PLAC1: variants seen among roughly 807,000 people sequenced by gnomAD.
PLAC1 encodes placenta-specific protein 1.
For missense variants in PLAC1, 136 were observed against 163.2 expected (o/e 0.83, Z 0.91); for synonymous variants, 68 against 62.1 (o/e 1.09, Z -0.44).
At chrX:134,679,157 G>A (rs1006167786) in intron 2 of PLAC1, among the ~76,000 whole-genome samples, 1 of 112,033 alleles carries the variant, frequency 8.9e-6, no homozygotes, top group African/African-American at 3.2e-5. Flanking sequence ...GCAGCCACAG[G>A]AAATGAATAC....
intron 1 of PLAC1, among the ~76,000 whole-genome samples, chrX:134,621,815 A>G (rs1236027907): frequency 8.9e-6 from 1 of 111,888 alleles, no homozygotes; most frequent in Non-Finnish European, 1.9e-5. Flanking sequence ...CTGGTGAGCA[A>G]CCCAACTGAA....
At chrX:134,721,106 A>T (rs2078655951) in intron 2 of PLAC1, among the ~76,000 whole-genome samples, 1 of 112,983 alleles carries the variant, frequency 8.9e-6, no homozygotes, top group Admixed American at 9.4e-5. Context: ...CGATAAAAAG[A>T]CAAATAACCT....
intron 1 of PLAC1, among the ~76,000 whole-genome samples, chrX:134,626,574 C>T (rs760839321): frequency 8.9e-6 from 1 of 111,987 alleles, no homozygotes; most frequent in East Asian, 2.8e-4. Context: ...CTTCTCTCCC[C>T]ATCTACTCCC....
At chrX:134,699,813 A>G (rs2078576586) in intron 2 of PLAC1, among the ~76,000 whole-genome samples, 1 of 111,829 alleles carries the variant, frequency 8.9e-6, no homozygotes, top group Non-Finnish European at 1.9e-5. Context: ...TTGATTTCAA[A>G]TCACACTCAA....
At chrX:134,655,732 G>A (rs1432683043) in intron 1 of PLAC1, among the ~76,000 whole-genome samples, 1 of 111,682 alleles carries the variant, frequency 9.0e-6, no homozygotes, top group Non-Finnish European at 1.9e-5. Flanking sequence ...GAATTTGTCT[G>A]TTTTCTTATG....
intron 1 of PLAC1, among the ~76,000 whole-genome samples, chrX:134,742,386 G>T (rs937175611): frequency 8.9e-6 from 1 of 111,956 alleles, no homozygotes; most frequent in Non-Finnish European, 1.9e-5. Flanking sequence ...TCAGGTGTTC[G>T]AGACCAGCCT....
chrX:134,600,089 G>A (rs2078081328), intron 2 of PLAC1, among the ~76,000 whole-genome samples: 1 of 110,744 alleles, frequency 9.0e-6, no homozygotes, highest in South Asian at 3.9e-4. Flanking sequence ...GCAGTGGCAT[G>A]ATCACAGCTC....
intron 1 of PLAC1, among the ~76,000 whole-genome samples, chrX:134,733,887 GA>G (rs200801695): frequency 2.5e-4 from 27 of 109,420 alleles, no homozygotes; most frequent in Non-Finnish European, 3.4e-4. Context: ...CCTTCCCTTA[GA>G]AAAAAAAAGA....
intron 2 of PLAC1, among the ~76,000 whole-genome samples, chrX:134,594,737 TTC>T (rs1241123768): frequency 3.6e-5 from 4 of 110,304 alleles, no homozygotes; most frequent in African/African-American, 9.8e-5. Flanking sequence ...AATTTGTTTC[TTC>T]TCTCTCTCTC....
chrX:134,728,121 G>A (rs1471329415), intron 2 of PLAC1, among the ~76,000 whole-genome samples: 1 of 111,874 alleles, frequency 8.9e-6, no homozygotes, highest in African/African-American at 3.2e-5. Flanking sequence ...GAAGAAAAAT[G>A]TCAGAGCCTC....
intron 1 of PLAC1, chrX:134,650,943 C>T (rs2078359458): frequency 1.0e-5 from 2 of 199,731 alleles, no homozygotes; most frequent in Admixed American, 9.5e-5. Flanking sequence ...CCTCAAGGCT[C>T]AGCTCAGGGA....
chrX:134,757,174 A>G (rs138223882), intron 1 of PLAC1, among the ~76,000 whole-genome samples: 1,556 of 112,859 alleles, frequency 0.014, 35 homozygotes, highest in African/African-American at 0.047. Flanking sequence ...CAGAATATTT[A>G]CATGGTCATA....
intron 1 of PLAC1, among the ~76,000 whole-genome samples, chrX:134,758,057 T>C (rs1414562827): frequency 1.8e-5 from 2 of 110,872 alleles, no homozygotes; most frequent in Non-Finnish European, 3.8e-5. Flanking sequence ...TTTACAATAG[T>C]TACAAAAATA....
chrX:134,566,235 A>G lies in PLAC1; in HGVS notation c.448T>C (p.Phe150Leu), dbSNP rs756268430. Residue 150 changes from phenylalanine to leucine, a missense_variant, in exon 3 of 3, where the codon TTC (phenylalanine) becomes CTC (leucine). Transcript: ENST00000359237. Reference protein sequence around the residue: ...AQKDEKCYEVFSLSQSSQRPN... With the variant: ...AQKDEKCYEVLSLSQSSQRPN... Reference sequence around the variant, plus strand: ...CTTTGACTGGACTGTGACAAGCTGAACACCTCGTAGCATTTCTCATCCTTC... The same window carrying G: ...CTTTGACTGGACTGTGACAAGCTGAGCACCTCGTAGCATTTCTCATCCTTC... 4.1e-6 allele frequency: 5 copies of G among 1,209,719 alleles called. No individual in the cohort carries two copies. The African/African-American group carries it at 8.7e-5, about 21-fold the overall frequency.
intron 2 of PLAC1, among the ~76,000 whole-genome samples, chrX:134,696,213 G>C (rs2078562467): frequency 9.0e-6 from 1 of 111,431 alleles, no homozygotes; most frequent in Non-Finnish European, 1.9e-5. Flanking sequence ...AGGGACTTTT[G>C]TAACTCAAGG....
At chrX:134,730,658 A>C (rs1441819684) in intron 2 of PLAC1, among the ~76,000 whole-genome samples, 1 of 110,979 alleles carries the variant, frequency 9.0e-6, no homozygotes, top group African/African-American at 3.3e-5. Flanking sequence ...TATGTTGCCC[A>C]GGCTGGTCTC....
intron 2 of PLAC1, among the ~76,000 whole-genome samples, chrX:134,592,508 A>G (rs1366027690): frequency 9.0e-6 from 1 of 110,871 alleles, no homozygotes; most frequent in Non-Finnish European, 1.9e-5. Context: ...TTATCCAATC[A>G]GTTGAAGGCC....
At chrX:134,730,585 T>C (rs1211273698) in intron 2 of PLAC1, among the ~76,000 whole-genome samples, 1 of 111,011 alleles carries the variant, frequency 9.0e-6, no homozygotes, top group Non-Finnish European at 1.9e-5. Context: ...GCTAGGACTA[T>C]AGTTGTGCGC....
chrX:134,567,824 G>A (rs1463319507), intron 2 of PLAC1, among the ~76,000 whole-genome samples: 1 of 98,047 alleles, frequency 1.0e-5, no homozygotes, highest in East Asian at 3.5e-4. Context: ...GGGAGGGAGG[G>A]AGGGAGGGAG....
Sources: allele counts gnomAD v4.1 joint callset (sites outside exome capture counted in the v4.1 genomes callset), GRCh38; gene constraint gnomAD v4.1.1; transcripts MANE v1.5; gene names NCBI Gene and HGNC (gene_info 2026-07-23, HGNC 2026-07-21).